The following ENTHD1 variants were observed in gnomAD, a reference collection of about 807,000 sequenced individuals.
ENTHD1 encodes the protein ENTH domain containing 1, also known as ENTH domain-containing protein 1.
A neutral mutation model predicts 39.1 loss-of-function variants in ENTHD1; 23 were observed. The observed-to-expected ratio is 0.59, with a 90% CI of 0.42 to 0.83. ENTHD1 has a LOEUF of 0.83. Ranked by LOEUF, ENTHD1 falls within the 40% of genes least tolerant of loss-of-function variation. The pLI, the probability that ENTHD1 is intolerant of heterozygous loss-of-function variation, is 0.00. For synonymous variants in ENTHD1, 230 were observed against 258.2 expected (o/e 0.89, Z 1.05); for missense variants, 624 against 705.4 (o/e 0.88, Z 1.31).
rs1569120319 is a variant in ENTHD1 at position 39,744,072 on chromosome 22, T to C, written c.1431A>G (p.Pro477=). The C allele has an allele frequency of 6.2e-7, 1 of 1,614,136 alleles. No homozygotes were observed. The highest frequency in any genetic ancestry group is 1.1e-5 in the South Asian group (1 of 91,076). ...CATTTTCCTCTACATCAGAAGACAC[T>C]GGGCCCCTAGAAGCAAAGGAGTGAT... is the stretch of plus-strand genomic sequence containing the variant. The part of the protein sequence containing the change: ...KLHHSFASRG[P]VSSDVEENDS... Residue 477 remains proline (P), a synonymous_variant, in exon 7 of 7, where the codon CCA becomes CCG. Coordinates refer to ENST00000325157, the MANE Select transcript of ENTHD1 (RefSeq NM_152512.4).
intron 6 of ENTHD1, among the ~76,000 whole-genome samples, chr22:39,752,004 C>T (rs1317096653): frequency 6.6e-6 from 1 of 151,672 alleles, no homozygotes; most frequent in Non-Finnish European, 1.5e-5. Flanking sequence ...TTTGTAATAG[C>T]CAAAAGCATA....
chr22:39,864,471 T>C (rs1231238016), intron 2 of ENTHD1, among the ~76,000 whole-genome samples: 4 of 152,206 alleles, frequency 2.6e-5, no homozygotes, highest in Non-Finnish European at 1.5e-5. Flanking sequence ...GCTTTATTTT[T>C]CACATTCGCA....
intron 5 of ENTHD1, among the ~76,000 whole-genome samples, chr22:39,819,990 T>G (rs959455859): frequency 6.6e-6 from 1 of 152,218 alleles, no homozygotes; most frequent in Non-Finnish European, 1.5e-5. Flanking sequence ...CAAAGCAAGC[T>G]TTCTAAAAAT....
intron 5 of ENTHD1, among the ~76,000 whole-genome samples, chr22:39,810,418 T>C (rs1409688701): frequency 6.6e-6 from 1 of 152,192 alleles, no homozygotes; most frequent in African/African-American, 2.4e-5. Flanking sequence ...TCAGAATGTA[T>C]GGTGAGAACA....
intron 3 of ENTHD1, among the ~76,000 whole-genome samples, chr22:39,858,799 T>C (rs1438896749): frequency 1.3e-5 from 2 of 152,188 alleles, no homozygotes; most frequent in African/African-American, 4.8e-5. Context: ...ATTTTGGGAA[T>C]GGTAAAGGAG....
At chr22:39,891,695 T>G (rs1490270988) in intron 1 of ENTHD1, among the ~76,000 whole-genome samples, 1 of 151,458 alleles carries the variant, frequency 6.6e-6, no homozygotes, top group Non-Finnish European at 1.5e-5. Flanking sequence ...CTTGGCTCAT[T>G]GCAACCTCCA....
At chr22:39,875,444 C>T (rs1281193704) in intron 2 of ENTHD1, 5 of 1,521,204 alleles carry the variant, frequency 3.3e-6, no homozygotes, top group African/African-American at 2.8e-5. Flanking sequence ...CTTCCTCAGC[C>T]GGGAGTCGCT....
chr22:39,749,484 T>G (rs1342063282), intron 6 of ENTHD1, among the ~76,000 whole-genome samples: 1 of 152,220 alleles, frequency 6.6e-6, no homozygotes, highest in African/African-American at 2.4e-5. Context: ...TTTAAAAGCA[T>G]TTAGAACTGT....
At chr22:39,864,136 C>G (rs961848266) in intron 2 of ENTHD1, among the ~76,000 whole-genome samples, 1 of 152,176 alleles carries the variant, frequency 6.6e-6, no homozygotes, top group Admixed American at 6.5e-5. Context: ...ATGTCAGACA[C>G]TTATCTTTCC....
chr22:39,891,989 CATG>C (rs1408034110), intron 1 of ENTHD1, among the ~76,000 whole-genome samples: 2 of 151,880 alleles, frequency 1.3e-5, no homozygotes, highest in African/African-American at 4.8e-5. Context: ...TCCTATAAAG[CATG>C]ATATTAAAAA....
At chr22:39,854,171 A>G (rs1332566015) in intron 3 of ENTHD1, among the ~76,000 whole-genome samples, 1 of 152,226 alleles carries the variant, frequency 6.6e-6, no homozygotes, top group Non-Finnish European at 1.5e-5. Context: ...GAGAAAGCCC[A>G]GGCAGACAGG....
chr22:39,823,723 T>C (rs890990612), intron 4 of ENTHD1, among the ~76,000 whole-genome samples: 6 of 152,210 alleles, frequency 3.9e-5, no homozygotes, highest in Admixed American at 6.5e-5. Flanking sequence ...CGTTTAGATT[T>C]ATTAAAAACT....
chr22:39,890,870 TCTA>T (rs1205538340), intron 1 of ENTHD1, among the ~76,000 whole-genome samples: 1 of 152,234 alleles, frequency 6.6e-6, no homozygotes, highest in Non-Finnish European at 1.5e-5. Flanking sequence ...AAAACACCAT[TCTA>T]CTACTGCTGT....
Position 39,743,665 on chromosome 22 carries a change from A to G in ENTHD1, c.*14T>C. Reference sequence around the variant, plus strand: ...GAACCACACGAGTTCTATCAAAAATAGATATTGTGATGATTAGATCTGATC... The same window carrying G: ...GAACCACACGAGTTCTATCAAAAATGGATATTGTGATGATTAGATCTGATC... On this transcript the variant is annotated 3_prime_UTR_variant, in exon 7 of 7. Coordinates refer to ENST00000325157, the MANE Select transcript of ENTHD1 (RefSeq NM_152512.4). The G allele has an allele frequency of 6.4e-7, 1 of 1,564,830 alleles. No individual in the cohort carries two copies. Among genetic ancestry groups the G allele is most frequent in the African/African-American group, 1.4e-5 (1 of 73,120 alleles).
At chr22:39,844,335 G>A (rs2065970292) in intron 3 of ENTHD1, among the ~76,000 whole-genome samples, 1 of 152,128 alleles carries the variant, frequency 6.6e-6, no homozygotes, top group South Asian at 2.1e-4. Flanking sequence ...TTTTATTTCA[G>A]TATTTTGCTA....
chr22:39,814,162 C>T (rs1171858820), intron 5 of ENTHD1, among the ~76,000 whole-genome samples: 1 of 152,056 alleles, frequency 6.6e-6, no homozygotes, highest in Non-Finnish European at 1.5e-5. Flanking sequence ...ACTTGACAAA[C>T]TTTCATGTGT....
At chr22:39,751,212 C>T (rs2065145070) in intron 6 of ENTHD1, 1 of 154,116 alleles carries the variant, frequency 6.5e-6, no homozygotes, top group Admixed American at 6.5e-5. Flanking sequence ...TTGGACATCA[C>T]ATTTCTCAGT....
intron 3 of ENTHD1, among the ~76,000 whole-genome samples, chr22:39,846,217 T>C (rs2065987366): frequency 6.6e-6 from 1 of 152,186 alleles, no homozygotes. Flanking sequence ...AAGTTTCTTT[T>C]TGAGACAGGG....
Position 39,758,754 on chromosome 22 carries a change from C to A in ENTHD1, c.1219+6469G>T, listed in dbSNP as rs188184121. Among the ~76,000 whole-genome samples, 101 of 152,172 alleles carry A rather than the reference C, an allele frequency of 6.6e-4. No individual in the cohort carries two copies. In the Middle Eastern group the frequency reaches 0.01, roughly 15 times the overall value. On this transcript the variant is annotated intron_variant, in intron 6 of 6. Transcript: ENST00000325157. ...AAAGTATACCCTTTAAAAATATATA[C>A]CCTTTATCAGCTTGAGCGAAGTTCC...
Sources: gnomAD v4.1 joint callset for allele counts (sites outside exome capture counted in the v4.1 genomes callset) on GRCh38, gnomAD v4.1.1 for gene constraint, MANE v1.5 for transcripts, NCBI Gene and HGNC (gene_info 2026-07-23, HGNC 2026-07-21) for gene names.